AIG1: variants seen among roughly 807,000 people sequenced by gnomAD.
AIG1 encodes the protein androgen-induced gene 1 protein.
AIG1 carries 23 observed loss-of-function variants against 31.4 expected under a neutral mutation model. The ratio of observed to expected loss-of-function variants is 0.73; its 90% CI spans 0.53 to 1.04. The LOEUF (loss-of-function observed/expected upper bound fraction) is 1.04, where lower values mean the gene tolerates loss of function less well. AIG1 is among the 50% of genes least tolerant of loss of function. The pLI is 0.00. For synonymous variants in AIG1, 100 were observed against 110.5 expected (o/e 0.90, Z 0.60); for missense variants, 274 against 295.0 (o/e 0.93, Z 0.52).
At chr6:143,343,546 G>A (rs575619420), downstream of AIG1, among the ~76,000 whole-genome samples, 1 of 152,178 alleles carries the variant, frequency 6.6e-6, no homozygotes, top group East Asian at 1.9e-4. Flanking sequence ...TTTTCAGAAA[G>A]TGAAAATGAC....
chr6:143,318,640 A>T (rs1474208020), intron 4 of AIG1, among the ~76,000 whole-genome samples: 1 of 152,164 alleles, frequency 6.6e-6, no homozygotes, highest in African/African-American at 2.4e-5. Context: ...ATGAAACTTA[A>T]ACTGAAAAGC....
At chr6:143,193,079 C>T (rs2128599180) in intron 3 of AIG1, among the ~76,000 whole-genome samples, 1 of 152,322 alleles carries the variant, frequency 6.6e-6, no homozygotes, top group Non-Finnish European at 1.5e-5. Context: ...GTGTGTCCAG[C>T]TCCAGGCACT....
Position 143,189,099 on chromosome 6 carries a change from A to C in AIG1, c.399+23916A>C, listed in dbSNP as rs974213659. The C allele has an allele frequency of 3.7e-6, 3 of 817,752 alleles. No homozygotes were observed. In the African/African-American group the frequency reaches 5.6e-5, roughly 15 times the overall value. The allele number at this position is 817,752 out of a possible 1,614,324, so 50.7% of individuals were successfully genotyped here. On this transcript the variant is annotated intron_variant, in intron 3 of 5. Transcript: ENST00000357847. ...CTGTGTCATCCAGGCTGGAATACAC[A>C]GTGGCACTATCATGGCTCACCACAC... is the stretch of plus-strand genomic sequence containing the variant.
At chr6:143,095,842 G>A (rs1011056698) in intron 1 of AIG1, among the ~76,000 whole-genome samples, 1 of 150,128 alleles carries the variant, frequency 6.7e-6, no homozygotes, top group South Asian at 2.1e-4. Flanking sequence ...TCACTAATTT[G>A]CAGACTATTG....
At chr6:143,257,596 G>A (rs569071219) in intron 3 of AIG1, among the ~76,000 whole-genome samples, 3 of 152,234 alleles carry the variant, frequency 2.0e-5, no homozygotes, top group African/African-American at 7.2e-5. Context: ...TTTGGTTTTG[G>A]TTCTTTGTTT....
At chr6:143,245,094 G>A (rs60528861) in intron 3 of AIG1, among the ~76,000 whole-genome samples, 1,812 of 152,252 alleles carry the variant, frequency 0.012, 25 homozygotes, top group African/African-American at 0.041. Flanking sequence ...CACCCATCTC[G>A]AAGCCCAGTT....
At chr6:143,085,507 G>T (rs1210680699) in intron 1 of AIG1, among the ~76,000 whole-genome samples, 1 of 152,164 alleles carries the variant, frequency 6.6e-6, no homozygotes, top group Non-Finnish European at 1.5e-5. Context: ...TTTGTGCTCA[G>T]GGGTGAGTCC....
rs928795260 is a variant in AIG1 at position 143,292,769 on chromosome 6, C to T, written c.515+8544C>T. Among the ~76,000 whole-genome samples the T allele has an allele frequency of 2.0e-5, 3 of 152,170 alleles. No individual in the cohort carries two copies. Among genetic ancestry groups the T allele is most frequent in the African/African-American group, 7.2e-5 (3 of 41,442 alleles). ...AAAAAGCATGATGATAGTGATCAGG[C>T]AGGATTGCCGTGAGCATCAGAAAAA... On this transcript the variant is annotated intron_variant, in intron 4 of 5. Transcript: ENST00000357847. This position sits in a 1 kb window ranked among gnomAD's most constrained non-coding sequence, Gnocchi z 4.9.
intron 2 of AIG1, among the ~76,000 whole-genome samples, chr6:143,147,196 T>C (rs953684866): frequency 2.6e-5 from 4 of 152,136 alleles, no homozygotes; most frequent in Non-Finnish European, 1.5e-5. Context: ...TGTTGCCACG[T>C]GAGGAAATTG....
rs139671126 is a variant in AIG1 at position 143,076,222 on chromosome 6, A to G, written c.141+15156A>G. On this transcript the variant is annotated intron_variant, in intron 1 of 5. Transcript: ENST00000357847. Reference sequence around the variant, plus strand: ...CTAATTCAGTTTTATTAGTTCTTGCATCATATATTTTGGAATGTACACCTT... The same window carrying G: ...CTAATTCAGTTTTATTAGTTCTTGCGTCATATATTTTGGAATGTACACCTT... Among the ~76,000 whole-genome samples the G allele has an allele frequency of 2.6e-3, 399 of 152,288 alleles. 3 individuals are homozygous for G. The highest frequency in any genetic ancestry group is 0.018 in the East Asian group (93 of 5,184).
intron 1 of AIG1, among the ~76,000 whole-genome samples, chr6:143,066,826 C>G (rs1443587558): frequency 6.6e-6 from 1 of 152,112 alleles, no homozygotes; most frequent in Non-Finnish European, 1.5e-5. Flanking sequence ...AAATACAGTT[C>G]TTTCCAGGCA....
intron 3 of AIG1, among the ~76,000 whole-genome samples, chr6:143,226,307 C>A (rs1792947783): frequency 6.6e-6 from 1 of 150,618 alleles, no homozygotes; most frequent in African/African-American, 2.4e-5. Context: ...GTGGGATGAT[C>A]TCGGCTCACT....
At chr6:143,343,236 T>G (rs567647110), downstream of AIG1, 70 of 666,272 alleles carry the variant, frequency 1.1e-4, no homozygotes, top group Non-Finnish European at 1.7e-4. Context: ...ATTTTTTGAT[T>G]ATGCAGCACA....
chr6:143,133,969 C>A (rs1171087999), intron 1 of AIG1, among the ~76,000 whole-genome samples: 1 of 152,016 alleles, frequency 6.6e-6, no homozygotes, highest in African/African-American at 2.4e-5. Flanking sequence ...AATGCAGTAA[C>A]TAGGCTTTTT....
chr6:143,142,575 T>G (rs746060016), intron 2 of AIG1, among the ~76,000 whole-genome samples: 17 of 152,158 alleles, frequency 1.1e-4, no homozygotes, highest in Non-Finnish European at 2.4e-4. Context: ...TGAGGAGATC[T>G]TGGAGGTTTT....
intron 2 of AIG1, among the ~76,000 whole-genome samples, chr6:143,160,849 A>G (rs543484098): frequency 7.0e-4 from 107 of 152,328 alleles, no homozygotes; most frequent in Non-Finnish European, 1.4e-3. Flanking sequence ...TTCTAGTATT[A>G]CACTTAGAAA....
At chr6:143,125,106 C>T (rs1229306831) in intron 1 of AIG1, among the ~76,000 whole-genome samples, 3 of 152,094 alleles carry the variant, frequency 2.0e-5, no homozygotes, top group Non-Finnish European at 2.9e-5. Flanking sequence ...ATATTTTTAG[C>T]AGTTAAATTA....
intron 3 of AIG1, among the ~76,000 whole-genome samples, chr6:143,245,143 C>A (rs1464671460): frequency 6.6e-6 from 1 of 152,148 alleles, no homozygotes; most frequent in Admixed American, 6.5e-5. Context: ...TTGAACATTA[C>A]CCAAGTTAAT....
At chr6:143,070,445 T>C (rs376322087) in intron 1 of AIG1, among the ~76,000 whole-genome samples, 2 of 152,330 alleles carry the variant, frequency 1.3e-5, no homozygotes, top group African/African-American at 4.8e-5. Context: ...AATGGTATTT[T>C]TAATTTTTTT....
Sources: allele counts gnomAD v4.1 joint callset (sites outside exome capture counted in the v4.1 genomes callset), GRCh38; gene constraint gnomAD v4.1.1; non-coding constraint Gnocchi (gnomAD v3.1); transcripts MANE v1.5; gene names NCBI Gene and HGNC (gene_info 2026-07-23, HGNC 2026-07-21).